KCNK2: variants seen among roughly 807,000 people sequenced by gnomAD.
KCNK2 encodes the protein potassium channel subfamily K member 2.
A neutral mutation model predicts 40.5 loss-of-function variants in KCNK2; 21 were observed. The observed-to-expected ratio is 0.52, with a 90% CI of 0.37 to 0.75. KCNK2 has a LOEUF of 0.75. Among genes scored for constraint, KCNK2 ranks in the 30% least tolerant of loss-of-function variants. The pLI, the probability that KCNK2 is intolerant of heterozygous loss-of-function variation, is 0.00. For missense variants in KCNK2, 399 were observed against 531.6 expected (o/e 0.75, Z 2.45); for synonymous variants, 191 against 202.2 (o/e 0.94, Z 0.47).
chr1:215,135,730 T>A (rs1423530067), intron 3 of KCNK2, among the ~76,000 whole-genome samples: 3 of 139,758 alleles, frequency 2.1e-5, no homozygotes, highest in East Asian at 1.9e-4. Flanking sequence ...TTTTTTATTT[T>A]ATTTATTTAT....
At chr1:215,203,915 G>A (rs1032547133) in intron 6 of KCNK2, among the ~76,000 whole-genome samples, 1 of 151,796 alleles carries the variant, frequency 6.6e-6, no homozygotes, top group Admixed American at 6.6e-5. Flanking sequence ...GCGGGCGCCT[G>A]TAGTCCCAGC....
intron 6 of KCNK2, among the ~76,000 whole-genome samples, chr1:215,214,873 C>T (rs1221989750): frequency 6.6e-6 from 1 of 151,992 alleles, no homozygotes; most frequent in African/African-American, 2.4e-5. Context: ...AAAATCATGT[C>T]TATATGGATT....
At chr1:215,070,471 A>G (rs1487170079) in intron 1 of KCNK2, among the ~76,000 whole-genome samples, 1 of 150,342 alleles carries the variant, frequency 6.7e-6, no homozygotes, top group Non-Finnish European at 1.5e-5. Context: ...ATTGACTTAT[A>G]GTTCCACATG....
At chr1:215,209,349 A>ATT (rs1437472056) in intron 6 of KCNK2, among the ~76,000 whole-genome samples, 3 of 89,516 alleles carry the variant, frequency 3.4e-5, no homozygotes, top group African/African-American at 8.8e-5. Flanking sequence ...TAATATATAT[A>ATT]TTATATATAA....
intron 1 of KCNK2, among the ~76,000 whole-genome samples, chr1:215,007,224 T>TATAC (rs1656212293): frequency 1.9e-5 from 2 of 107,000 alleles, no homozygotes; most frequent in African/African-American, 3.7e-5. Flanking sequence ...TATATATATA[T>TATAC]ATAGGCTCAT....
At chr1:215,075,414 T>C (rs10779638) in intron 1 of KCNK2, among the ~76,000 whole-genome samples, 143,022 of 152,238 alleles carry the variant, frequency 0.94, 67,593 homozygotes, top group Non-Finnish European at 0.99. Flanking sequence ...CACTCAGGAA[T>C]TCAATGGTGT....
chr1:215,050,390 T>C (rs1421012066), intron 1 of KCNK2, among the ~76,000 whole-genome samples: 1 of 152,184 alleles, frequency 6.6e-6, no homozygotes, highest in African/African-American at 2.4e-5. Context: ...AACTATTCAT[T>C]AGTTAAGTCA....
chr1:215,016,983 A>G (rs1034139721), intron 1 of KCNK2, among the ~76,000 whole-genome samples: 2 of 152,138 alleles, frequency 1.3e-5, no homozygotes, highest in African/African-American at 4.8e-5. Context: ...ACAGGTGTAT[A>G]AAAATATGCT....
At chr1:215,160,779 C>A (rs1039102837) in intron 3 of KCNK2, among the ~76,000 whole-genome samples, 6 of 152,088 alleles carry the variant, frequency 3.9e-5, no homozygotes, top group African/African-American at 1.4e-4. Context: ...CCTTCTGAGT[C>A]TGTACATTCC....
At chr1:215,072,582 A>C (rs571317240) in intron 1 of KCNK2, among the ~76,000 whole-genome samples, 7 of 152,350 alleles carry the variant, frequency 4.6e-5, no homozygotes, top group African/African-American at 1.7e-4. Context: ...CTCTCACAGC[A>C]GTAATCAACT....
intron 6 of KCNK2, among the ~76,000 whole-genome samples, chr1:215,214,021 T>G (rs1665856116): frequency 1.3e-5 from 2 of 152,234 alleles, no homozygotes; most frequent in South Asian, 4.1e-4. Context: ...TTTATATTTC[T>G]ACACCATTGC....
chr1:215,035,665 C>T (rs370788575), intron 1 of KCNK2, among the ~76,000 whole-genome samples: 2 of 151,980 alleles, frequency 1.3e-5, no homozygotes, highest in Non-Finnish European at 2.9e-5. Context: ...TTCGTTCTTT[C>T]CAGTTTTTAA....
At chr1:215,111,281 G>A (rs1157371565) in intron 2 of KCNK2, among the ~76,000 whole-genome samples, 2 of 151,978 alleles carry the variant, frequency 1.3e-5, no homozygotes, top group Non-Finnish European at 2.9e-5. Context: ...TGGTGAGAGT[G>A]GGCCTCCTTG....
At chr1:215,145,573 T>C (rs1360128348) in intron 3 of KCNK2, among the ~76,000 whole-genome samples, 2 of 152,230 alleles carry the variant, frequency 1.3e-5, no homozygotes, top group Non-Finnish European at 2.9e-5. Context: ...ATATATGTTA[T>C]GTCTAATGTG....
Position 215,205,798 on chromosome 1 carries a change from ATTGT to A in KCNK2, c.963+10711_963+10714del, listed in dbSNP as rs893113210. 1.3e-3 allele frequency among the ~76,000 whole-genome samples: 204 copies of A among 152,280 alleles called. 1 individual carries two copies. Among genetic ancestry groups the A allele is most frequent in the African/African-American group, 4.5e-3 (186 of 41,560 alleles). On this transcript the variant is annotated intron_variant, in intron 6 of 6. Transcript: ENST00000444842. Reference sequence around the variant, plus strand: ...TGATTAATTTGGTAACACACCAATCATTGTTTGTCTAATTCAAGGACACAATTAC... The same window carrying A: ...TGATTAATTTGGTAACACACCAATCATTGTCTAATTCAAGGACACAATTAC...
intron 6 of KCNK2, among the ~76,000 whole-genome samples, chr1:215,215,135 AAAG>A (rs1665904016): frequency 1.3e-5 from 2 of 152,178 alleles, no homozygotes; most frequent in African/African-American, 4.8e-5. Flanking sequence ...CAAAGGCAAA[AAAG>A]AAGTTTCTTC....
At chr1:215,169,410 A>C (rs778555111) in intron 4 of KCNK2, 51 bp downstream of exon 4, 1 of 1,396,682 alleles carries the variant, frequency 7.2e-7, no homozygotes, top group Non-Finnish European at 9.8e-7. Context: ...GATTTTTTTA[A>C]AAAATTATAT....
At chr1:215,147,265 A>G (rs1215573777) in intron 3 of KCNK2, among the ~76,000 whole-genome samples, 1 of 152,172 alleles carries the variant, frequency 6.6e-6, no homozygotes, top group South Asian at 2.1e-4. Flanking sequence ...TAAAATGCAC[A>G]TGTACCATCC....
At chr1:215,200,731 A>G (rs1408724803) in intron 6 of KCNK2, among the ~76,000 whole-genome samples, 1 of 152,208 alleles carries the variant, frequency 6.6e-6, no homozygotes, top group Non-Finnish European at 1.5e-5. Flanking sequence ...TCAGATTTCA[A>G]ACATATTTGG....
Sources: allele counts gnomAD v4.1 joint callset (sites outside exome capture counted in the v4.1 genomes callset), GRCh38; gene constraint gnomAD v4.1.1; transcripts MANE v1.5; gene names NCBI Gene and HGNC (gene_info 2026-07-23, HGNC 2026-07-21).